The following BDP1 variants were observed in gnomAD, a reference collection of about 807,000 sequenced individuals.
BDP1 encodes the protein transcription factor TFIIIB component B'' homolog.
In BDP1, 169 loss-of-function variants were observed where a neutral mutation model predicts 266.6. That is an observed-to-expected ratio of 0.63 (90% CI 0.56 to 0.72). The LOEUF is 0.72. Among genes scored for constraint, BDP1 ranks in the 30% least tolerant of loss-of-function variants. BDP1 has a pLI of 0.00. For missense variants in BDP1, 3,015 were observed against 3,053.8 expected, an observed-to-expected ratio of 0.99 and a Z score of 0.30; for synonymous variants, 1,090 against 1,022.4, an observed-to-expected ratio of 1.07 and a Z score of -1.26.
chr5:71,464,033 A>C, intron 3 of BDP1, 25 bp from the exon 4 acceptor site: 1 of 1,340,958 alleles, frequency 7.5e-7, no homozygotes, highest in Non-Finnish European at 1.0e-6. Flanking sequence ...AATTTATTAA[A>C]GATATTGTTA....
At position 71,512,302 on chromosome 5, in the gene BDP1, A is replaced by G. The variant is rs750771480; in HGVS notation, c.4121A>G (p.Glu1374Gly). The change falls in exon 18 of 39, where the codon GAA (glutamate) becomes GGA (glycine). Residue 1374 changes from glutamate (E) to glycine (G), a missense_variant. Glu to Gly is a moderately conservative substitution (Grantham distance 98). This residue lies in a region of BDP1 where 2,383 missense variants were observed against 2,404.9 expected (regional missense o/e 0.99). Coordinates refer to ENST00000358731, the MANE Select transcript of BDP1 (RefSeq NM_018429.3). The part of the protein sequence containing the change: ...HTPVEEKRNS[E>G]KEVSSHFSHF... ...CCTGTAGAAGAAAAAAGAAATTCTG[A>G]AAAAGAAGTATCAAGTCACTTCAGT... 23 of 1,593,770 alleles carry G rather than the reference A, an allele frequency of 1.4e-5. No homozygotes were observed. In the South Asian group the frequency reaches 2.5e-4, roughly 18 times the overall value.
intron 6 of BDP1, 133 bp downstream of exon 6, chr5:71,467,620 C>T (rs1320467821): frequency 1.1e-5 from 8 of 744,570 alleles, no homozygotes; most frequent in Admixed American, 5.5e-5. Context: ...TTATTGACAC[C>T]TCTATCTTAT....
chr5:71,458,712 C>T lies in BDP1; in HGVS notation c.346C>T (p.His116Tyr). Residue 116 changes from histidine (H) to tyrosine (Y), a missense_variant, in exon 2 of 39, where the codon CAT becomes TAT. Coordinates refer to ENST00000358731, the MANE Select transcript of BDP1 (RefSeq NM_018429.3). ...TAGTGTCAGTGTTCCTTCAGAATCT[C>T]ATCCCTTATCTACAATTAATCAAGA... ...KSSVSVPSES[H>Y]PLSTINQEAP... is the part of the protein sequence containing the mutation. The T allele has an allele frequency of 6.2e-7, 1 of 1,614,158 alleles. No individual in the cohort carries two copies. The highest frequency in any genetic ancestry group is 2.2e-5 in the East Asian group (1 of 44,880).
intron 15 of BDP1, among the ~76,000 whole-genome samples, chr5:71,503,482 AT>A (rs1443356150): frequency 6.6e-6 from 1 of 152,234 alleles, no homozygotes; most frequent in Admixed American, 6.5e-5. Context: ...GGATGTTTGA[AT>A]TAATCTTTTG....
chr5:71,519,111 C>T (rs10474383), intron 22 of BDP1, among the ~76,000 whole-genome samples: 119,089 of 151,898 alleles, frequency 0.78, 47,326 homozygotes, highest in East Asian at 0.87. Flanking sequence ...TGAGCCACTG[C>T]GCCCAACCTG....
intron 26 of BDP1, among the ~76,000 whole-genome samples, chr5:71,534,519 G>C (rs1379555605): frequency 6.6e-6 from 1 of 151,374 alleles, no homozygotes; most frequent in African/African-American, 2.4e-5. Context: ...TGTTGTTGTT[G>C]AGATGGAGTC....
At chr5:71,505,950 T>A (rs1764552897) in intron 16 of BDP1, among the ~76,000 whole-genome samples, 2 of 152,122 alleles carry the variant, frequency 1.3e-5, no homozygotes, top group Admixed American at 1.3e-4. Flanking sequence ...GACAAAAAAA[T>A]TTCTCTATTT....
chr5:71,533,150 T>C (rs2150539331), intron 26 of BDP1, among the ~76,000 whole-genome samples: 1 of 152,344 alleles, frequency 6.6e-6, no homozygotes, highest in South Asian at 2.1e-4. Flanking sequence ...CATATGGATA[T>C]GGTACATTTT....
intron 17 of BDP1, among the ~76,000 whole-genome samples, chr5:71,511,514 G>A (rs1221754040): frequency 6.6e-6 from 1 of 151,910 alleles, no homozygotes; most frequent in African/African-American, 2.4e-5. Context: ...CAATAACAAG[G>A]TGTAAGCCTG....
At chr5:71,550,599 G>T (rs1310215887) in intron 34 of BDP1, among the ~76,000 whole-genome samples, 1 of 152,094 alleles carries the variant, frequency 6.6e-6, no homozygotes, top group African/African-American at 2.4e-5. Context: ...ACTGTGCCCA[G>T]CTGTTCTTGA....
chr5:71,529,292 A>G (rs1766091176), intron 25 of BDP1, among the ~76,000 whole-genome samples: 1 of 152,196 alleles, frequency 6.6e-6, no homozygotes, highest in Non-Finnish European at 1.5e-5. Context: ...TGGGAGGCTG[A>G]GGCAGGATAA....
At chr5:71,537,149 C>CAAAAAAAAAA (rs70992979) in intron 26 of BDP1, among the ~76,000 whole-genome samples, 549 of 82,178 alleles carry the variant, frequency 6.7e-3, no homozygotes, top group Middle Eastern at 0.015. Flanking sequence ...ACCAAAAAAC[C>CAAAAAAAAAA]AAAAAAAAAA....
At chr5:71,562,190 C>T (rs963742781) in intron 37 of BDP1, 84 bp from the exon 38 acceptor site, 49 of 1,201,548 alleles carry the variant, frequency 4.1e-5, no homozygotes, top group East Asian at 5.3e-5. Context: ...AGTGAGACTG[C>T]GTCTCAAAAA....
In BDP1 at chr5:71,524,045, A is replaced by C; in HGVS notation, c.5494A>C (p.Ser1832Arg). ...TGAGAGAAATCGTGGTGAAAGGAGA[A>C]GTCATAAAAAGTTCAAACCAAATGT... ...EYERNRGERR[S>R]HKKFKPNVTR... is the part of the protein sequence containing the mutation. The change falls in exon 25 of 39, where the codon AGT becomes CGT. Residue 1832 changes from serine to arginine, a missense_variant. By Grantham distance (110) the Ser-to-Arg change is moderately radical. This residue lies in a region of BDP1 where 2,383 missense variants were observed against 2,404.9 expected (regional missense o/e 0.99). Transcript: ENST00000358731. The C allele has an allele frequency of 6.2e-7, 1 of 1,614,216 alleles. No homozygotes were observed. The highest frequency in any genetic ancestry group is 8.5e-7 in the Non-Finnish European group (1 of 1,180,040).
At chr5:71,463,872 A>T (rs1306930214) in intron 3 of BDP1, among the ~76,000 whole-genome samples, 186 bp from the exon 4 acceptor site, 1 of 151,766 alleles carries the variant, frequency 6.6e-6, no homozygotes, top group Non-Finnish European at 1.5e-5. Flanking sequence ...GACCTAACAA[A>T]TTATTTGTAT....
chr5:71,474,819 C>G (rs955274744), intron 7 of BDP1, among the ~76,000 whole-genome samples: 1 of 147,380 alleles, frequency 6.8e-6, no homozygotes, highest in Non-Finnish European at 1.5e-5. Context: ...TGCACTCCAG[C>G]GTAGGCAACA....
the BDP1 span, among the ~76,000 whole-genome samples, chr5:71,576,432 C>T: frequency 2.6e-5 from 4 of 152,232 alleles, no homozygotes; most frequent in Non-Finnish European, 5.9e-5. Flanking sequence ...CAAGCTCACA[C>T]ATGGTTGAGT....
At chr5:71,575,282 T>C in the BDP1 span, among the ~76,000 whole-genome samples, 2 of 152,204 alleles carry the variant, frequency 1.3e-5, no homozygotes, top group South Asian at 4.1e-4. Context: ...AGAAAAGGGC[T>C]AGGACCTCAG....
chr5:71,470,668 A>G (rs996969642), intron 7 of BDP1, among the ~76,000 whole-genome samples, 179 bp downstream of exon 7: 7 of 151,272 alleles, frequency 4.6e-5, no homozygotes, highest in Non-Finnish European at 1.0e-4. Context: ...GGCTCACTGC[A>G]ACCTCTGCCT....
Sources: gnomAD v4.1 joint callset for allele counts (sites outside exome capture counted in the v4.1 genomes callset) on GRCh38, gnomAD v4.1.1 for gene constraint, gnomAD v4.1.1 regional missense constraint, MANE v1.5 for transcripts, NCBI Gene and HGNC (gene_info 2026-07-23, HGNC 2026-07-21) for gene names.